The following INPP5B variants were observed in gnomAD, a reference collection of about 807,000 sequenced individuals.
INPP5B encodes the protein inositol polyphosphate-5-phosphatase B.
A neutral mutation model predicts 118.5 loss-of-function variants in INPP5B; 90 were observed. The observed-to-expected ratio is 0.76, with a 90% CI of 0.64 to 0.90. The LOEUF (loss-of-function observed/expected upper bound fraction) is 0.90, where lower values mean the gene tolerates loss of function less well. INPP5B is among the 40% of genes least tolerant of loss of function. The pLI is 0.00. For missense variants in INPP5B, 984 were observed against 1,125.6 expected (o/e 0.87, Z 1.80); for synonymous variants, 385 against 418.9 (o/e 0.92, Z 0.99).
chr1:37,897,766 T>TAAATAA (rs1366778390), intron 7 of INPP5B, among the ~76,000 whole-genome samples: 1 of 151,024 alleles, frequency 6.6e-6, no homozygotes, highest in Non-Finnish European at 1.5e-5. Context: ...AAAATAAAAT[T>TAAATAA]AAATAAAAAT....
intron 7 of INPP5B, among the ~76,000 whole-genome samples, chr1:37,896,198 G>T (rs1437748517): frequency 2.8e-5 from 4 of 144,940 alleles, no homozygotes; most frequent in African/African-American, 1.0e-4. Flanking sequence ...GTCTCTGCCC[G>T]GCCGCCCCGT....
intron 7 of INPP5B, among the ~76,000 whole-genome samples, chr1:37,909,352 A>G (rs980055820): frequency 1.3e-5 from 2 of 151,044 alleles, no homozygotes; most frequent in African/African-American, 4.9e-5. Flanking sequence ...CCAGCTCCCA[A>G]CTCTTCTTCA....
chr1:37,922,192 A>T (rs1645081297), intron 7 of INPP5B, among the ~76,000 whole-genome samples: 1 of 152,008 alleles, frequency 6.6e-6, no homozygotes, highest in Non-Finnish European at 1.5e-5. Context: ...ACAGAGCTAG[A>T]ATCTGTCTCA....
chr1:37,876,676 G>A (rs527406217), intron 16 of INPP5B, among the ~76,000 whole-genome samples: 23 of 135,414 alleles, frequency 1.7e-4, no homozygotes, highest in African/African-American at 4.5e-4. Flanking sequence ...TGGCTAACAC[G>A]GTGAAACCCC....
chr1:37,897,020 G>A (rs1371684887), intron 7 of INPP5B, among the ~76,000 whole-genome samples: 3 of 144,378 alleles, frequency 2.1e-5, no homozygotes, highest in East Asian at 2.1e-4. Context: ...CGCCCCGTCC[G>A]GGAGGTGAGG....
chr1:37,897,777 AAAAAT>A (rs1418790416), intron 7 of INPP5B, among the ~76,000 whole-genome samples: 2 of 151,796 alleles, frequency 1.3e-5, no homozygotes, highest in Non-Finnish European at 2.9e-5. Context: ...AAATAAAAAT[AAAAAT>A]AAAATAAGAT....
At chr1:37,871,155 CAAA>C (rs34490677) in intron 19 of INPP5B, among the ~76,000 whole-genome samples, 5 of 48,902 alleles carry the variant, frequency 1.0e-4, no homozygotes, top group East Asian at 6.6e-4. Flanking sequence ...AAGACTGTCT[CAAA>C]AAAAAAAAAA....
intron 7 of INPP5B, among the ~76,000 whole-genome samples, chr1:37,921,492 C>A (rs1195147136): frequency 6.6e-6 from 1 of 152,020 alleles, no homozygotes; most frequent in Non-Finnish European, 1.5e-5. Flanking sequence ...TTTTTCATTT[C>A]TTTTACATTT....
intron 19 of INPP5B, among the ~76,000 whole-genome samples, chr1:37,870,364 G>T (rs1464345838): frequency 6.6e-6 from 1 of 152,106 alleles, no homozygotes; most frequent in Non-Finnish European, 1.5e-5. Flanking sequence ...TCCTGCCTTG[G>T]CCTCCCAGAG....
chr1:37,934,911 G>T (rs1239719392), intron 6 of INPP5B, among the ~76,000 whole-genome samples: 1 of 151,512 alleles, frequency 6.6e-6, no homozygotes, highest in Non-Finnish European at 1.5e-5. Flanking sequence ...TTTTAAGATG[G>T]AGTCTTGGCC....
At chr1:37,945,377 G>A (rs1557737039) in intron 3 of INPP5B, among the ~76,000 whole-genome samples, 1 of 150,598 alleles carries the variant, frequency 6.6e-6, no homozygotes, top group Non-Finnish European at 1.5e-5. Context: ...AGGTTGCAGT[G>A]AGCCAAGATC....
intron 7 of INPP5B, among the ~76,000 whole-genome samples, chr1:37,920,974 C>T (rs1173620782): frequency 2.0e-5 from 3 of 152,016 alleles, no homozygotes; most frequent in Non-Finnish European, 4.4e-5. Flanking sequence ...GGCGTGGTGG[C>T]GGGCGCCTGT....
chr1:37,920,501 C>G (rs6655926), intron 7 of INPP5B, among the ~76,000 whole-genome samples: 13,630 of 151,728 alleles, frequency 0.09, 1,536 homozygotes, highest in African/African-American at 0.26. Context: ...CCTGTCTCTA[C>G]TAAAAACACA....
chr1:37,877,095 G>A (rs1001350145), intron 16 of INPP5B, among the ~76,000 whole-genome samples: 10 of 150,976 alleles, frequency 6.6e-5, no homozygotes, highest in African/African-American at 1.5e-4. Context: ...GGCTGGGAGC[G>A]GTGGCTCATG....
Position 37,936,300 on chromosome 1 carries a change from C to T in INPP5B, c.392-4247G>A, listed in dbSNP as rs982797286. Among the ~76,000 whole-genome samples the T allele has an allele frequency of 3.9e-5, 6 of 151,972 alleles. No individual in the cohort carries two copies. The East Asian group carries it at 1.2e-3, about 29-fold the overall frequency. On this transcript the variant is annotated intron_variant, in intron 6 of 23. Coordinates refer to ENST00000373024, the MANE Select transcript of INPP5B (RefSeq NM_005540.3). The stretch of plus-strand genomic sequence containing the variant: ...CTTGTTGCCTGCCTGGGGAAAAACT[C>T]TTCTTCATCCTTCTAGCCTAAGCTT...
At chr1:37,865,505 T>C (rs1332570441) in intron 22 of INPP5B, among the ~76,000 whole-genome samples, 3 of 152,026 alleles carry the variant, frequency 2.0e-5, no homozygotes. Flanking sequence ...GGATGGGTGA[T>C]AGATCAACGA....
chr1:37,935,528 G>A (rs922561630), intron 6 of INPP5B, among the ~76,000 whole-genome samples: 6 of 151,558 alleles, frequency 4.0e-5, no homozygotes, highest in African/African-American at 1.2e-4. Context: ...AGTTGTGAAC[G>A]TGACCCAAAC....
At chr1:37,903,955 TTAAG>T (rs1267693861) in intron 7 of INPP5B, among the ~76,000 whole-genome samples, 1 of 152,206 alleles carries the variant, frequency 6.6e-6, no homozygotes, top group Admixed American at 6.5e-5. Flanking sequence ...TTCACATGAC[TTAAG>T]TAATCTTTGG....
chr1:37,935,352 T>C lies in INPP5B; in HGVS notation c.392-3299A>G, dbSNP rs373274895. Among the ~76,000 whole-genome samples the C allele has an allele frequency of 2.0e-3, 300 of 150,694 alleles. 2 individuals carry two copies. The highest frequency in any genetic ancestry group is 6.8e-3 in the African/African-American group (281 of 41,176). ...GACTACAGGCACGTGCCACCACGCC[T>C]GGCTAATTTTTTTGTATTTTTAGTA... On this transcript the variant is annotated intron_variant, in intron 6 of 23. Coordinates refer to ENST00000373024, the MANE Select transcript of INPP5B (RefSeq NM_005540.3).
Sources: allele counts gnomAD v4.1 joint callset (sites outside exome capture counted in the v4.1 genomes callset), GRCh38; gene constraint gnomAD v4.1.1; transcripts MANE v1.5; gene names NCBI Gene and HGNC (gene_info 2026-07-23, HGNC 2026-07-21).